RGS12: variants seen among roughly 807,000 people sequenced by gnomAD.
The protein encoded by RGS12 is regulator of G protein signaling 12.
In RGS12, 66 loss-of-function variants were observed where a neutral mutation model predicts 120.1. The ratio of observed to expected loss-of-function variants is 0.55; its 90% CI spans 0.45 to 0.67. RGS12 has a LOEUF of 0.67. Among genes scored for constraint, RGS12 ranks in the 30% least tolerant of loss-of-function variants. The pLI, the probability that RGS12 is intolerant of heterozygous loss-of-function variation, is 0.00. For missense variants in RGS12, 1,859 were observed against 1,957.7 expected (o/e 0.95, Z 0.95); for synonymous variants, 827 against 804.7 (o/e 1.03, Z -0.47).
intron 2 of RGS12, among the ~76,000 whole-genome samples, chr4:3,340,817 G>T (rs554057888): frequency 6.6e-6 from 1 of 151,462 alleles, no homozygotes; most frequent in Non-Finnish European, 1.5e-5. Flanking sequence ...GAGGCACGGC[G>T]TGCACGGGGG....
chr4:3,379,652 A>G (rs1718064423), intron 3 of RGS12, among the ~76,000 whole-genome samples: 1 of 152,132 alleles, frequency 6.6e-6, no homozygotes, highest in South Asian at 2.1e-4. Flanking sequence ...ATAGAAGGGG[A>G]AGCAACCATG....
At chr4:3,337,982 T>A (rs1378341766) in intron 2 of RGS12, among the ~76,000 whole-genome samples, 1 of 152,210 alleles carries the variant, frequency 6.6e-6, no homozygotes, top group African/African-American at 2.4e-5. Flanking sequence ...ACTTCCCAGT[T>A]CTCATCTGTG....
Position 3,317,279 on chromosome 4 carries a change from A to G in RGS12, c.1109A>G (p.Asn370Ser), listed in dbSNP as rs773161925. The G allele has an allele frequency of 9.9e-6, 16 of 1,614,074 alleles. No homozygotes were observed. Among genetic ancestry groups the G allele is most frequent in the Middle Eastern group, 1.6e-4 (1 of 6,062 alleles). Residue 370 changes from asparagine (N) to serine (S), a missense_variant, in exon 2 of 18, where the codon AAT becomes AGT. Coordinates refer to ENST00000336727, the MANE Select transcript of RGS12 (RefSeq NM_001394154.1). The part of the protein sequence containing the change: ...GFECTADPDT[N>S]GCLEFPASSL... The stretch of plus-strand genomic sequence containing the variant: ...GAGTGCACGGCCGACCCAGACACCA[A>G]TGGCTGTCTGGAATTCCCGGCGTCC...
intron 2 of RGS12, chr4:3,323,924 T>C (rs994766390): frequency 6.6e-6 from 1 of 151,110 alleles, no homozygotes; most frequent in African/African-American, 2.4e-5. Context: ...CCCTTTTTTA[T>C]TGAAGGAGAA....
the RGS12 span, among the ~76,000 whole-genome samples, chr4:3,287,354 G>GA: frequency 1.5e-3 from 219 of 147,190 alleles, 1 homozygote; most frequent in African/African-American, 3.7e-3. Flanking sequence ...CACATGGTCT[G>GA]AAAAAAAAAA....
At position 3,374,138 on chromosome 4, in the gene RGS12, G is replaced by A. The variant is rs1371746545; in HGVS notation, c.1999-12278G>A. Among the ~76,000 whole-genome samples, 1 of 152,214 alleles carries A rather than the reference G, an allele frequency of 6.6e-6. No individual in the cohort carries two copies. The highest frequency in any genetic ancestry group is 6.5e-5 in the Admixed American group (1 of 15,292). On this transcript the variant is annotated intron_variant, in intron 3 of 17. Coordinates refer to ENST00000336727, the MANE Select transcript of RGS12 (RefSeq NM_001394154.1). This position sits in a 1 kb window ranked among gnomAD's most constrained non-coding sequence, Gnocchi z 6.3. ...TGTGAACGCAGGCATCCCTGTCTCC[G>A]TTGGGCGGATGTGGAGGCTGGTTGA...
In RGS12 at chr4:3,428,083, T is replaced by G; in HGVS notation, c.3332-7T>G. On this transcript the variant is annotated splice_polypyrimidine_tract_variant and splice_region_variant and intron_variant, in intron 14 of 17. Transcript: ENST00000336727. ...TCCCTGAAGTCATAAAGCTTTCTTA[T>G]GTTTAGCATCCGCAGATAAACAGAA... 2 of 1,612,892 alleles carry G rather than the reference T, an allele frequency of 1.2e-6. No individual in the cohort carries two copies. Among genetic ancestry groups the G allele is most frequent in the South Asian group, 1.1e-5 (1 of 91,074 alleles).
At chr4:3,424,544 T>G (rs1241058591) in intron 13 of RGS12, among the ~76,000 whole-genome samples, 2 of 152,184 alleles carry the variant, frequency 1.3e-5, no homozygotes, top group Non-Finnish European at 2.9e-5. Flanking sequence ...TTAGCCCCTG[T>G]GTGTCACAGT....
Position 3,430,867 on chromosome 4 carries a change from G to C in RGS12, c.4026G>C (p.Leu1342=), listed in dbSNP as rs770666442. The change falls in exon 17 of 18, where the codon CTG becomes CTC. Residue 1342 remains leucine (L), a synonymous_variant. Coordinates refer to ENST00000336727, the MANE Select transcript of RGS12 (RefSeq NM_001394154.1). The part of the protein sequence containing the change: ...VEDEHVAELT[L]MGEGDISSPN... ...ATGAGCACGTGGCCGAGCTGACCCT[G>C]ATGGGGGAGGGGGACATCAGCAGCC... The C allele has an allele frequency of 6.2e-7, 1 of 1,612,282 alleles. No homozygotes were observed. The highest frequency in any genetic ancestry group is 8.5e-7 in the Non-Finnish European group (1 of 1,179,742).
At chr4:3,338,596 C>T (rs544861226) in intron 2 of RGS12, among the ~76,000 whole-genome samples, 1 of 152,326 alleles carries the variant, frequency 6.6e-6, no homozygotes, top group South Asian at 2.1e-4. Flanking sequence ...CTCAGGCTGG[C>T]TCACTGCATC....
At chr4:3,402,575 C>T (rs1358268019) in intron 4 of RGS12, among the ~76,000 whole-genome samples, 1 of 152,094 alleles carries the variant, frequency 6.6e-6, no homozygotes, top group African/African-American at 2.4e-5. Context: ...GGTTTAGGAC[C>T]ACTTTTGAGT....
In RGS12 at chr4:3,304,424, A is replaced by C. The variant is rs138214735; in HGVS notation, c.-102+11325A>C. 8.0e-3 allele frequency among the ~76,000 whole-genome samples: 1,218 copies of C among 152,280 alleles called. 9 individuals are homozygous for C. Among genetic ancestry groups the C allele is most frequent in the Middle Eastern group, 0.024 (7 of 294 alleles). On this transcript the variant is annotated intron_variant, in intron 1 of 17. Transcript: ENST00000336727. Reference sequence around the variant, plus strand: ...AGAACCAGGTAGTTTTTGTTAGTGGAAACGTGAGCTTTGAGGGAGGCCGCT... The same window carrying C: ...AGAACCAGGTAGTTTTTGTTAGTGGCAACGTGAGCTTTGAGGGAGGCCGCT...
At chr4:3,340,782 C>CGGTGCAGGCT (rs60934932) in intron 2 of RGS12, among the ~76,000 whole-genome samples, 3 of 152,112 alleles carry the variant, frequency 2.0e-5, no homozygotes, top group African/African-American at 7.2e-5. Flanking sequence ...CGGTGCAGGC[C>CGGTGCAGGCT]AGTGCAGTCC....
the RGS12 span, among the ~76,000 whole-genome samples, chr4:3,287,791 A>G: frequency 4.6e-5 from 7 of 152,336 alleles, no homozygotes; most frequent in Non-Finnish European, 8.8e-5. Context: ...AGGCTGCCCC[A>G]CCTGGAAGGT....
At chr4:3,364,431 C>A (rs1046657179) in intron 3 of RGS12, among the ~76,000 whole-genome samples, 2 of 152,130 alleles carry the variant, frequency 1.3e-5, no homozygotes, top group African/African-American at 2.4e-5. Context: ...CCATGGAGGT[C>A]GGGCCGCACT....
At chr4:3,386,369 T>G in intron 3 of RGS12, 47 bp from the exon 4 acceptor site, 1 of 1,590,630 alleles carries the variant, frequency 6.3e-7, no homozygotes, top group Non-Finnish European at 8.6e-7. Context: ...TCCTGGAGTT[T>G]TGTCATGAGG....
rs755954860 is a variant in RGS12 at position 3,422,542 on chromosome 4, C to T, written c.3005C>T (p.Ala1002Val). 40 of 1,612,500 alleles carry T rather than the reference C, an allele frequency of 2.5e-5. No individual in the cohort carries two copies. The highest frequency in any genetic ancestry group is 3.0e-5 in the Non-Finnish European group (35 of 1,179,950). The change falls in exon 11 of 18, where the codon GCG becomes GTG. Residue 1002 changes from alanine to valine, a missense_variant. Transcript: ENST00000336727. The stretch of plus-strand genomic sequence containing the variant: ...CGGCATGGCATCAACGGGGCGGCCG[C>T]GGACCTCTTCCTGGTGGGCGGGGAC... ...CERHGINGAA[A>V]DLFLVGGDKP... is the part of the protein sequence containing the mutation.
chr4:3,302,847 GT>G (rs1221338839), intron 1 of RGS12, among the ~76,000 whole-genome samples: 1 of 152,072 alleles, frequency 6.6e-6, no homozygotes, highest in Non-Finnish European at 1.5e-5. Context: ...GAGAGGGCCC[GT>G]TTCAAGAGAG....
chr4:3,354,703 A>G (rs1003059032), intron 3 of RGS12, among the ~76,000 whole-genome samples: 7 of 152,236 alleles, frequency 4.6e-5, no homozygotes, highest in Non-Finnish European at 7.3e-5. Flanking sequence ...ACAAACATCA[A>G]TGAGAATACT....
Sources: allele counts gnomAD v4.1 joint callset (sites outside exome capture counted in the v4.1 genomes callset), GRCh38; gene constraint gnomAD v4.1.1; non-coding constraint Gnocchi (gnomAD v3.1); transcripts MANE v1.5; gene names NCBI Gene and HGNC (gene_info 2026-07-23, HGNC 2026-07-21).